ERC2: variants seen among roughly 807,000 people sequenced by gnomAD.
The protein encoded by ERC2 is ELKS/RAB6-interacting/CAST family member 2, also known as ERC protein 2.
ERC2 carries 42 observed loss-of-function variants against 114.8 expected under a neutral mutation model. That is an observed-to-expected ratio of 0.37 (90% CI 0.29 to 0.47). The LOEUF is 0.47. Among genes scored for constraint, ERC2 ranks in the 20% least tolerant of loss-of-function variants. The pLI is 0.99. For synonymous variants in ERC2, 454 were observed against 425.5 expected, an observed-to-expected ratio of 1.07 and a Z score of -0.82; for missense variants, 939 against 1,150.7, an observed-to-expected ratio of 0.82 and a Z score of 2.66.
chr3:56,424,183 C>T (rs1360428460), intron 2 of ERC2, among the ~76,000 whole-genome samples: 1 of 152,200 alleles, frequency 6.6e-6, no homozygotes, highest in East Asian at 1.9e-4. Flanking sequence ...GGAGTGACCA[C>T]TCCTCCTGCC....
intron 17 of ERC2, among the ~76,000 whole-genome samples, chr3:55,537,762 T>C (rs1465162912): frequency 6.6e-6 from 1 of 152,236 alleles, no homozygotes; most frequent in Admixed American, 6.5e-5. Flanking sequence ...CTGCTTACTC[T>C]GCATGGAGGA....
At chr3:55,690,346 A>G (rs1006427489) in intron 16 of ERC2, among the ~76,000 whole-genome samples, 1 of 152,200 alleles carries the variant, frequency 6.6e-6, no homozygotes, top group African/African-American at 2.4e-5. Flanking sequence ...AAGAGAGGCA[A>G]TGGTGTTTAG....
At chr3:55,741,453 CATT>C (rs2065958337) in intron 14 of ERC2, among the ~76,000 whole-genome samples, 1 of 152,060 alleles carries the variant, frequency 6.6e-6, no homozygotes, top group South Asian at 2.1e-4. Context: ...ACAGAAAAAT[CATT>C]ATTTTCCCCA....
chr3:55,549,060 G>A (rs930659260), intron 17 of ERC2, among the ~76,000 whole-genome samples: 5 of 152,130 alleles, frequency 3.3e-5, no homozygotes, highest in African/African-American at 4.8e-5. Context: ...AAGTAACTCC[G>A]GTTTTAAAAC....
chr3:56,234,094 C>T (rs1205820823), intron 3 of ERC2, among the ~76,000 whole-genome samples: 1 of 152,184 alleles, frequency 6.6e-6, no homozygotes, highest in Non-Finnish European at 1.5e-5. Context: ...TAATGTGCCT[C>T]TTTCCTTACA....
At chr3:56,381,762 A>AG (rs5849151) in intron 2 of ERC2, among the ~76,000 whole-genome samples, 4,248 of 150,036 alleles carry the variant, frequency 0.028, 64 homozygotes, top group South Asian at 0.07. Context: ...AAAGAAAAAA[A>AG]GGGGGGGGTG....
At chr3:56,114,173 C>A (rs549390211) in intron 6 of ERC2, among the ~76,000 whole-genome samples, 108 of 152,278 alleles carry the variant, frequency 7.1e-4, no homozygotes, top group African/African-American at 2.4e-3. Context: ...AGCAAACATG[C>A]ACGTTACATA....
chr3:56,375,086 CA>C (rs1172106097), intron 2 of ERC2, among the ~76,000 whole-genome samples: 2 of 152,232 alleles, frequency 1.3e-5, no homozygotes, highest in East Asian at 3.9e-4. Flanking sequence ...AGGATGCTCC[CA>C]AAATTACCAG....
chr3:55,555,200 C>G (rs1299163101), intron 17 of ERC2, among the ~76,000 whole-genome samples: 1 of 152,224 alleles, frequency 6.6e-6, no homozygotes, highest in Non-Finnish European at 1.5e-5. Context: ...AACCTTTCAA[C>G]TCTGCATCCA....
chr3:56,060,437 T>G (rs1304061766), intron 7 of ERC2, among the ~76,000 whole-genome samples: 2 of 152,244 alleles, frequency 1.3e-5, no homozygotes, highest in Admixed American at 6.5e-5. Flanking sequence ...TGAGAAAGTT[T>G]TAGTACTATG....
chr3:56,135,918 A>G (rs916957231), intron 6 of ERC2, among the ~76,000 whole-genome samples: 2 of 152,242 alleles, frequency 1.3e-5, no homozygotes, highest in African/African-American at 2.4e-5. Context: ...TACAAAGGAA[A>G]CATCAAGGGC....
At chr3:55,871,883 G>A (rs548615809) in intron 14 of ERC2, among the ~76,000 whole-genome samples, 1 of 152,232 alleles carries the variant, frequency 6.6e-6, no homozygotes, top group African/African-American at 2.4e-5. Flanking sequence ...AGGGGGAAAG[G>A]TCTTCATTAG....
intron 14 of ERC2, among the ~76,000 whole-genome samples, chr3:55,750,684 C>T (rs1198410644): frequency 6.6e-6 from 1 of 152,206 alleles, no homozygotes; most frequent in Non-Finnish European, 1.5e-5. Flanking sequence ...TTCTCTTTTG[C>T]TTACTTATGC....
chr3:56,372,773 A>C (rs2059403344), intron 2 of ERC2, among the ~76,000 whole-genome samples: 2 of 152,138 alleles, frequency 1.3e-5, no homozygotes, highest in African/African-American at 2.4e-5. Context: ...AAGGTCATAC[A>C]GCAGAACAGG....
intron 17 of ERC2, among the ~76,000 whole-genome samples, chr3:55,565,118 C>T (rs1317407428): frequency 2.0e-5 from 3 of 152,126 alleles, no homozygotes; most frequent in African/African-American, 7.2e-5. Flanking sequence ...TTGTAACACC[C>T]ATCACCCAGA....
intron 17 of ERC2, among the ~76,000 whole-genome samples, chr3:55,630,323 C>A (rs776861794): frequency 6.6e-6 from 1 of 152,170 alleles, no homozygotes; most frequent in Non-Finnish European, 1.5e-5. Context: ...GCGTGCACCA[C>A]CACACCAGGC....
At chr3:55,935,819 T>C (rs2149412414) in intron 13 of ERC2, among the ~76,000 whole-genome samples, 1 of 152,310 alleles carries the variant, frequency 6.6e-6, no homozygotes, top group African/African-American at 2.4e-5. Flanking sequence ...AAGCAGCTTC[T>C]AATGAGGAAG....
intron 17 of ERC2, among the ~76,000 whole-genome samples, chr3:55,522,571 C>T (rs926152887): frequency 3.4e-5 from 5 of 147,422 alleles, no homozygotes; most frequent in African/African-American, 1.3e-4. Flanking sequence ...GAAAAGCAAG[C>T]AGAGGTTATT....
At chr3:56,389,885 C>A (rs1358209764) in intron 2 of ERC2, among the ~76,000 whole-genome samples, 1 of 152,066 alleles carries the variant, frequency 6.6e-6, no homozygotes, top group East Asian at 1.9e-4. Flanking sequence ...TAGATGGAGT[C>A]CAAGAACAGG....
Sources: allele counts gnomAD v4.1 joint callset (sites outside exome capture counted in the v4.1 genomes callset), GRCh38; gene constraint gnomAD v4.1.1; transcripts MANE v1.5; gene names NCBI Gene and HGNC (gene_info 2026-07-23, HGNC 2026-07-21).